The following CSMD2 variants were observed in gnomAD, a reference collection of about 807,000 sequenced individuals.
CSMD2 encodes the protein CUB and sushi domain-containing protein 2.
CSMD2 carries 130 observed loss-of-function variants against 398.5 expected under a neutral mutation model. The observed-to-expected ratio is 0.33, with a 90% confidence interval of 0.28 to 0.38. CSMD2 has a LOEUF of 0.38. Ranked by LOEUF, CSMD2 falls within the 10% of genes least tolerant of loss-of-function variation. The pLI is 1.00. For missense variants in CSMD2, 3,829 were observed against 4,764.9 expected, an observed-to-expected ratio of 0.80 and a Z score of 5.78; for synonymous variants, 1,828 against 1,908.5, an observed-to-expected ratio of 0.96 and a Z score of 1.10.
chr1:33,678,621 G>A (rs1014823057), intron 25 of CSMD2, among the ~76,000 whole-genome samples: 10 of 152,122 alleles, frequency 6.6e-5, no homozygotes, highest in Non-Finnish European at 1.5e-4. Flanking sequence ...TGGTGACATC[G>A]GAAAGGGCAA....
chr1:33,892,472 T>C (rs1642091990), intron 5 of CSMD2, among the ~76,000 whole-genome samples: 1 of 152,142 alleles, frequency 6.6e-6, no homozygotes, highest in African/African-American at 2.4e-5. Flanking sequence ...CTCAACCCCC[T>C]CTCAATCTTC....
At chr1:34,045,563 T>C (rs1652423002) in intron 2 of CSMD2, among the ~76,000 whole-genome samples, 1 of 152,192 alleles carries the variant, frequency 6.6e-6, no homozygotes, top group African/African-American at 2.4e-5. Context: ...CACATGTGCA[T>C]TTATTTTTGG....
At position 33,969,127 on chromosome 1, in the gene CSMD2, G is replaced by T. The variant is rs1042347803; in HGVS notation, c.518-33173C>A. 1.4e-4 allele frequency among the ~76,000 whole-genome samples: 21 copies of T among 152,308 alleles called. No individual in the cohort carries two copies. In the Middle Eastern group the frequency reaches 0.01, roughly 74 times the overall value. On this transcript the variant is annotated intron_variant, in intron 3 of 70. Coordinates refer to ENST00000373381, the MANE Select transcript of CSMD2 (RefSeq NM_001281956.2). ...TAGGAGAAAGAACATGGTCAGAGAA[G>T]AACAAAACAAGGACCAAATCCTGGG...
At chr1:34,063,241 A>G (rs1305519355) in intron 2 of CSMD2, among the ~76,000 whole-genome samples, 1 of 152,184 alleles carries the variant, frequency 6.6e-6, no homozygotes, top group African/African-American at 2.4e-5. Context: ...CTCGTATTTC[A>G]AAACCAATCA....
At chr1:33,840,772 C>T (rs577761829) in intron 6 of CSMD2, among the ~76,000 whole-genome samples, 1 of 152,244 alleles carries the variant, frequency 6.6e-6, no homozygotes, top group Admixed American at 6.5e-5. Flanking sequence ...GGCTCCTGAG[C>T]CAAGCAGCAA....
At chr1:33,757,159 G>A (rs1649149749) in intron 13 of CSMD2, among the ~76,000 whole-genome samples, 4 of 151,992 alleles carry the variant, frequency 2.6e-5, no homozygotes, top group African/African-American at 7.3e-5. Context: ...GACTGTTGTG[G>A]GGTGGGGGGA....
intron 12 of CSMD2, among the ~76,000 whole-genome samples, chr1:33,784,094 T>G (rs969396835): frequency 6.6e-6 from 1 of 152,132 alleles, no homozygotes. Flanking sequence ...AAGACTGAAA[T>G]GCAAGTGGAG....
At chr1:33,643,382 G>T (rs192577521) in intron 29 of CSMD2, among the ~76,000 whole-genome samples, 27 of 152,318 alleles carry the variant, frequency 1.8e-4, no homozygotes, top group African/African-American at 6.3e-4. Flanking sequence ...AAAAGAACAT[G>T]TACCGTGTTC....
In CSMD2 at chr1:33,625,313, G is replaced by A. The variant is rs1459937664; in HGVS notation, c.5297-59C>T. ...ACCCCTCAGAAACTGGCCCAGGGAC[G>A]GACATACAACGGGTCTGGAACAAAG... On this transcript the variant is annotated intron_variant, in intron 33 of 70. Transcript: ENST00000373381. The A allele has an allele frequency of 1.3e-5, 19 of 1,484,770 alleles. No homozygotes were observed. The African/African-American group carries it at 1.8e-4, about 14-fold the overall frequency. The allele number at this position is 1,484,770 out of a possible 1,614,324, so 92.0% of individuals were successfully genotyped here.
intron 6 of CSMD2, among the ~76,000 whole-genome samples, chr1:33,828,959 G>C (rs2125025571): frequency 6.6e-6 from 1 of 152,322 alleles, no homozygotes; most frequent in East Asian, 1.9e-4. Context: ...TGAGAACTGA[G>C]TGAGAAGGAA....
At chr1:33,753,418 G>A (rs1569734324) in intron 13 of CSMD2, among the ~76,000 whole-genome samples, 1 of 152,348 alleles carries the variant, frequency 6.6e-6, no homozygotes, top group Middle Eastern at 3.4e-3. Flanking sequence ...GAGAGTGTAA[G>A]CTGCCATAAG....
chr1:33,936,622 C>T (rs545232004), intron 3 of CSMD2, among the ~76,000 whole-genome samples: 1 of 152,334 alleles, frequency 6.6e-6, no homozygotes, highest in African/African-American at 2.4e-5. Flanking sequence ...TGCAAGTGTG[C>T]TCTCATGAGG....
intron 4 of CSMD2, among the ~76,000 whole-genome samples, chr1:33,930,780 G>A (rs2125315772): frequency 6.6e-6 from 1 of 152,274 alleles, no homozygotes; most frequent in Non-Finnish European, 1.5e-5. Flanking sequence ...CAAAGTGAAG[G>A]GGGGTCACAG....
intron 2 of CSMD2, among the ~76,000 whole-genome samples, chr1:34,046,479 T>C (rs964141931): frequency 6.6e-6 from 1 of 152,180 alleles, no homozygotes; most frequent in African/African-American, 2.4e-5. Flanking sequence ...TAATGGCACC[T>C]AAGAAACTTT....
chr1:33,599,560 T>C (rs1057436969), intron 44 of CSMD2: 8 of 152,272 alleles, frequency 5.3e-5, no homozygotes, highest in South Asian at 2.1e-4. Context: ...GTTACATAGC[T>C]TGCATGTGTC....
chr1:34,102,800 G>A (rs1660112815), intron 1 of CSMD2, among the ~76,000 whole-genome samples: 1 of 152,116 alleles, frequency 6.6e-6, no homozygotes. Flanking sequence ...TAACCTCCTT[G>A]GAGACTACCC....
chr1:33,831,096 T>G (rs1399696395), intron 6 of CSMD2, among the ~76,000 whole-genome samples: 1 of 152,126 alleles, frequency 6.6e-6, no homozygotes, highest in African/African-American at 2.4e-5. Flanking sequence ...TGCAGGATAC[T>G]ATCCAGGAGA....
chr1:33,567,439 A>C (rs1659144991), intron 53 of CSMD2, among the ~76,000 whole-genome samples, 154 bp downstream of exon 53: 1 of 149,094 alleles, frequency 6.7e-6, no homozygotes, highest in South Asian at 2.1e-4. Flanking sequence ...AAAACATTAG[A>C]TCAACAATGC....
intron 2 of CSMD2, among the ~76,000 whole-genome samples, chr1:34,068,537 A>G (rs1655370171): frequency 1.3e-5 from 2 of 152,220 alleles, no homozygotes; most frequent in African/African-American, 4.8e-5. Flanking sequence ...TTACATGGTA[A>G]TGTACATAAT....
Sources: gnomAD v4.1 joint callset for allele counts (sites outside exome capture counted in the v4.1 genomes callset) on GRCh38, gnomAD v4.1.1 for gene constraint, MANE v1.5 for transcripts, NCBI Gene and HGNC (gene_info 2026-07-23, HGNC 2026-07-21) for gene names.